RBFOX1: variants seen among roughly 807,000 people sequenced by gnomAD.
RBFOX1 encodes the protein RNA binding fox-1 homolog 1, also known as RNA binding protein fox-1 homolog 1.
Under a neutral mutation model 57.7 loss-of-function variants are expected in RBFOX1, and 8 were observed. The observed-to-expected ratio is 0.14, with a 90% CI of 0.08 to 0.25. The LOEUF is 0.25. RBFOX1 is among the 10% of genes least tolerant of loss of function. RBFOX1 has a pLI of 1.00. For synonymous variants in RBFOX1, 326 were observed against 222.4 expected (o/e 1.47, Z -4.15); for missense variants, 611 against 548.5 (o/e 1.11, Z -1.14).
intron 4 of RBFOX1, among the ~76,000 whole-genome samples, chr16:5,921,145 CA>C (rs1406309185): frequency 1.3e-5 from 2 of 152,160 alleles, no homozygotes; most frequent in Non-Finnish European, 1.5e-5. Context: ...CTAGGCACCC[CA>C]GAGAATGCTA....
At chr16:6,741,958 C>G (rs991810157) in intron 3 of RBFOX1, among the ~76,000 whole-genome samples, 2 of 152,124 alleles carry the variant, frequency 1.3e-5, no homozygotes, top group African/African-American at 4.8e-5. Context: ...GTATTATATT[C>G]TTGAAAATCA....
chr16:5,871,890 T>C (rs560443129), intron 4 of RBFOX1, among the ~76,000 whole-genome samples: 3 of 152,356 alleles, frequency 2.0e-5, no homozygotes, highest in East Asian at 3.9e-4. Context: ...CTGAGATTGA[T>C]TGATATTACA....
chr16:6,795,381 G>GA (rs1440394752), intron 3 of RBFOX1, among the ~76,000 whole-genome samples: 4 of 151,832 alleles, frequency 2.6e-5, no homozygotes, highest in African/African-American at 9.7e-5. Flanking sequence ...AAAATAAGAA[G>GA]AAAAAAAATC....
At chr16:7,061,232 A>G (rs1437864344) in intron 4 of RBFOX1, among the ~76,000 whole-genome samples, 1 of 152,210 alleles carries the variant, frequency 6.6e-6, no homozygotes, top group Non-Finnish European at 1.5e-5. Flanking sequence ...TAGTAAAATA[A>G]GAAACTCATA....
At chr16:6,647,274 T>C (rs2098541600) in intron 2 of RBFOX1, among the ~76,000 whole-genome samples, 1 of 152,172 alleles carries the variant, frequency 6.6e-6, no homozygotes, top group Admixed American at 6.5e-5. Context: ...GATGGAATCT[T>C]GGTCTGTTGC....
chr16:6,509,250 A>T (rs747789601), intron 2 of RBFOX1, among the ~76,000 whole-genome samples: 1 of 152,158 alleles, frequency 6.6e-6, no homozygotes, highest in African/African-American at 2.4e-5. Context: ...TTTTTTTCCT[A>T]TGCGGTTATT....
At chr16:5,423,898 T>G (rs781129982) in intron 1 of RBFOX1, among the ~76,000 whole-genome samples, 3 of 152,082 alleles carry the variant, frequency 2.0e-5, no homozygotes, top group Non-Finnish European at 4.4e-5. Context: ...CATCTCAGAG[T>G]AGTTTAGAAA....
intron 2 of RBFOX1, among the ~76,000 whole-genome samples, chr16:6,387,249 A>G (rs2092342306): frequency 6.6e-6 from 1 of 152,172 alleles, no homozygotes. Flanking sequence ...ACCTCCTGTA[A>G]GCATCCGTAG....
intron 4 of RBFOX1, among the ~76,000 whole-genome samples, chr16:7,155,971 A>G (rs2077030047): frequency 6.6e-6 from 1 of 151,710 alleles, no homozygotes; most frequent in Non-Finnish European, 1.5e-5. Context: ...CAAAATAACT[A>G]TGTAATATAC....
intron 4 of RBFOX1, among the ~76,000 whole-genome samples, chr16:7,178,240 T>A (rs1231115191): frequency 2.6e-5 from 4 of 152,216 alleles, no homozygotes; most frequent in Non-Finnish European, 5.9e-5. Context: ...TGATTCAATT[T>A]GTCAGAGGCA....
chr16:6,838,283 G>A (rs539705357), intron 3 of RBFOX1, among the ~76,000 whole-genome samples: 1 of 152,126 alleles, frequency 6.6e-6, no homozygotes, highest in East Asian at 1.9e-4. Flanking sequence ...GTGGTGTTTG[G>A]TTTTCTGTTC....
chr16:7,203,960 C>T (rs1397137555), intron 4 of RBFOX1, among the ~76,000 whole-genome samples: 4 of 152,224 alleles, frequency 2.6e-5, no homozygotes, highest in South Asian at 2.1e-4. Flanking sequence ...TAGGGCTGTA[C>T]AAGCTGTGCT....
At chr16:6,480,629 C>G (rs570777074) in intron 2 of RBFOX1, among the ~76,000 whole-genome samples, 4 of 152,230 alleles carry the variant, frequency 2.6e-5, no homozygotes, top group African/African-American at 9.6e-5. Context: ...TGGACTGTTC[C>G]CAGTACATTC....
At chr16:5,722,760 GCTTA>G (rs2051984113) in intron 3 of RBFOX1, among the ~76,000 whole-genome samples, 1 of 152,212 alleles carries the variant, frequency 6.6e-6, no homozygotes, top group South Asian at 2.1e-4. Flanking sequence ...TCCCTGCCTG[GCTTA>G]CTTCTAGTTA....
intron 4 of RBFOX1, among the ~76,000 whole-genome samples, chr16:5,967,177 C>A (rs1356118925): frequency 6.6e-6 from 1 of 152,162 alleles, no homozygotes; most frequent in Non-Finnish European, 1.5e-5. Flanking sequence ...ATATTTACTA[C>A]TTGACCTTTT....
At chr16:5,320,210 A>T (rs150946966) in intron 1 of RBFOX1, among the ~76,000 whole-genome samples, 118 of 152,342 alleles carry the variant, frequency 7.7e-4, no homozygotes, top group African/African-American at 2.5e-3. Flanking sequence ...CACTTAGCTC[A>T]TTCTGGTAGT....
intron 4 of RBFOX1, among the ~76,000 whole-genome samples, chr16:7,192,973 T>C (rs924789796): frequency 3.3e-5 from 5 of 152,138 alleles, no homozygotes; most frequent in Non-Finnish European, 5.9e-5. Context: ...TCGACAGACA[T>C]CTTTGGGTTG....
At chr16:7,210,589 G>C (rs2090934689) in intron 4 of RBFOX1, among the ~76,000 whole-genome samples, 1 of 150,384 alleles carries the variant, frequency 6.6e-6, no homozygotes, top group African/African-American at 2.5e-5. Flanking sequence ...ACTTAAGACT[G>C]ACCGTCATAC....
intron 2 of RBFOX1, among the ~76,000 whole-genome samples, chr16:5,583,518 C>T (rs2151163796): frequency 6.6e-6 from 1 of 152,284 alleles, no homozygotes; most frequent in Admixed American, 6.5e-5. Flanking sequence ...TTTGTTCTGA[C>T]CGCGAGGCAA....
Sources: gnomAD v4.1 joint callset for allele counts (sites outside exome capture counted in the v4.1 genomes callset) on GRCh38, gnomAD v4.1.1 for gene constraint, MANE v1.5 for transcripts, NCBI Gene and HGNC (gene_info 2026-07-23, HGNC 2026-07-21) for gene names.